CWH43: variants seen among roughly 807,000 people sequenced by gnomAD.
CWH43 encodes the protein PGAP2-interacting protein.
In CWH43, 91 loss-of-function variants were observed where a neutral mutation model predicts 85.7. That is an observed-to-expected ratio of 1.06 (90% CI 0.90 to 1.26). The LOEUF (loss-of-function observed/expected upper bound fraction) is 1.26, where lower values mean the gene tolerates loss of function less well. CWH43 is among the 50% of genes most tolerant of loss of function. The pLI is 0.00. For synonymous variants in CWH43, 323 were observed against 293.6 expected, an observed-to-expected ratio of 1.10 and a Z score of -1.02; for missense variants, 869 against 839.2, an observed-to-expected ratio of 1.04 and a Z score of -0.44.
intron 2 of CWH43, 29 bp downstream of exon 2, chr4:48,988,697 G>T: frequency 2.1e-6 from 3 of 1,430,792 alleles, no homozygotes; most frequent in East Asian, 2.4e-5. Context: ...TCTTTAAGTT[G>T]TTTTTTTTAA....
chr4:49,033,512 T>C (rs964661386), intron 12 of CWH43, among the ~76,000 whole-genome samples: 5 of 152,056 alleles, frequency 3.3e-5, no homozygotes, highest in African/African-American at 7.2e-5. Flanking sequence ...CCAAGGAGAA[T>C]AGAAAAGAAG....
In CWH43 at chr4:48,988,500, C is replaced by A; in HGVS notation, c.67C>A (p.His23Asn). ...LLGCVSWSLY[H>N]DLGPMIYYFP... Reference sequence around the variant, plus strand: ...AGGATGTGTTTCTTGGTCTCTCTACCATGACCTGGGACCGATGATCTATTA... The same window carrying A: ...AGGATGTGTTTCTTGGTCTCTCTACAATGACCTGGGACCGATGATCTATTA... Residue 23 changes from histidine (H) to asparagine (N), a missense_variant, in exon 2 of 16, where the codon CAT becomes AAT. Physicochemically the swap from His to Asn is moderately conservative, Grantham distance 68. Coordinates refer to ENST00000226432, the MANE Select transcript of CWH43 (RefSeq NM_025087.3). 2 of 1,595,926 alleles carry A rather than the reference C, an allele frequency of 1.3e-6. No homozygotes were observed. Among genetic ancestry groups the A allele is most frequent in the Non-Finnish European group, 1.7e-6 (2 of 1,174,218 alleles).
chr4:48,986,445 A>C lies in CWH43; in HGVS notation c.16A>C (p.Arg6=). The change falls in exon 1 of 16, where the codon AGA becomes CGA. Residue 6 remains arginine, a synonymous_variant. Transcript: ENST00000226432. MPSLW[R]EILLESLLGC... is the part of the protein sequence containing the mutation. ...CGCCGCGGCGATGCCCTCGCTGTGG[A>C]GAGAAATCCTCTTGGAGTCGCTGCT... 6.5e-7 allele frequency: 1 copy of C among 1,550,082 alleles called. No individual in the cohort carries two copies. The highest frequency in any genetic ancestry group is 8.7e-7 in the Non-Finnish European group (1 of 1,143,992).
At chr4:49,021,002 AGTTGTCT>A (rs1783736164) in intron 9 of CWH43, among the ~76,000 whole-genome samples, 2 of 151,762 alleles carry the variant, frequency 1.3e-5, no homozygotes, top group South Asian at 2.1e-4. Context: ...CTACTTTGTG[AGTTGTCT>A]GTTTAGTCTG....
At chr4:49,035,704 TTATACA>T (rs1434345244) in intron 12 of CWH43, among the ~76,000 whole-genome samples, 1 of 152,206 alleles carries the variant, frequency 6.6e-6, no homozygotes, top group African/African-American at 2.4e-5. Context: ...ACCTCTTTCC[TTATACA>T]TATACTTTTT....
intron 8 of CWH43, among the ~76,000 whole-genome samples, chr4:49,007,871 T>C (rs1783215473): frequency 1.3e-5 from 2 of 152,316 alleles, no homozygotes; most frequent in South Asian, 4.1e-4. Flanking sequence ...CAGTCTATCA[T>C]TGATGGACAT....
chr4:49,039,320 T>TATATATATATATACTG (rs1553916930), intron 13 of CWH43, among the ~76,000 whole-genome samples: 388 of 30,234 alleles, frequency 0.013, 106 homozygotes, highest in Middle Eastern at 0.042. Flanking sequence ...TATATATATA[T>TATATATATATATACTG]ATATATATAT....
chr4:49,038,007 A>G (rs1466063893), intron 12 of CWH43, 29 bp from the exon 13 acceptor site: 1 of 1,581,464 alleles, frequency 6.3e-7, no homozygotes, highest in East Asian at 2.2e-5. Context: ...TACAAATACA[A>G]TAAAGGGTCA....
chr4:49,031,747 C>T (rs1020805362), intron 11 of CWH43, among the ~76,000 whole-genome samples: 1 of 152,102 alleles, frequency 6.6e-6, no homozygotes, highest in Non-Finnish European at 1.5e-5. Flanking sequence ...AGAGGACAAA[C>T]TCAGGAACTA....
At chr4:49,061,321 C>T (rs1785150519) in intron 15 of CWH43, among the ~76,000 whole-genome samples, 1 of 152,154 alleles carries the variant, frequency 6.6e-6, no homozygotes, top group Non-Finnish European at 1.5e-5. Context: ...GAAGTGGCCT[C>T]TTATGTGCAA....
At chr4:49,057,962 T>C (rs1246822104) in intron 15 of CWH43, among the ~76,000 whole-genome samples, 1 of 152,184 alleles carries the variant, frequency 6.6e-6, no homozygotes, top group Non-Finnish European at 1.5e-5. Context: ...TGGAATATCT[T>C]TCCAAACCTT....
chr4:49,040,253 A>T (rs1784414807), intron 13 of CWH43, among the ~76,000 whole-genome samples: 1 of 152,232 alleles, frequency 6.6e-6, no homozygotes, highest in Non-Finnish European at 1.5e-5. Context: ...TCCTTTGGGT[A>T]TATACCCAGT....
intron 14 of CWH43, among the ~76,000 whole-genome samples, chr4:49,048,294 A>G (rs1784691328): frequency 6.7e-6 from 1 of 150,022 alleles, no homozygotes; most frequent in South Asian, 2.1e-4. Context: ...ATATATACAC[A>G]CTCTGTGTGT....
intron 8 of CWH43, among the ~76,000 whole-genome samples, chr4:49,014,730 G>C (rs1373904920): frequency 1.3e-5 from 2 of 151,922 alleles, no homozygotes; most frequent in South Asian, 4.1e-4. Context: ...GTTTCTTAGA[G>C]CAATTTTAGG....
At chr4:49,051,867 G>T (rs1449009617) in intron 15 of CWH43, among the ~76,000 whole-genome samples, 3 of 152,182 alleles carry the variant, frequency 2.0e-5, no homozygotes, top group Admixed American at 2.0e-4. Flanking sequence ...GTGAGCCACC[G>T]TGCCCGGCCT....
chr4:49,045,491 C>T (rs1784595466), intron 14 of CWH43, among the ~76,000 whole-genome samples: 1 of 152,108 alleles, frequency 6.6e-6, no homozygotes, highest in Non-Finnish European at 1.5e-5. Context: ...TAATATCATA[C>T]TTTTATTGTA....
intron 6 of CWH43, among the ~76,000 whole-genome samples, chr4:49,002,840 G>T (rs557900138): frequency 1.2e-4 from 18 of 152,302 alleles, no homozygotes; most frequent in Non-Finnish European, 2.5e-4. Context: ...GGGGCATTAA[G>T]ATGCTGACTG....
In CWH43 at chr4:49,061,043, G is replaced by A. The variant is rs527434202; in HGVS notation, c.2022-769G>A. On this transcript the variant is annotated intron_variant, in intron 15 of 15. Coordinates refer to ENST00000226432, the MANE Select transcript of CWH43 (RefSeq NM_025087.3). The stretch of plus-strand genomic sequence containing the variant: ...TTGCATAATATTTCATTGTATGGAT[G>A]CACCAACATTTAGCTAATCGATTTT... Among the ~76,000 whole-genome samples the A allele has an allele frequency of 2.0e-5, 3 of 152,168 alleles. No individual in the cohort carries two copies. In the East Asian group the frequency reaches 5.8e-4, roughly 29 times the overall value.
chr4:48,998,203 T>C (rs557980723), intron 5 of CWH43, among the ~76,000 whole-genome samples: 5 of 152,350 alleles, frequency 3.3e-5, no homozygotes, highest in Non-Finnish European at 5.9e-5. Context: ...TGTACTTTAA[T>C]AGTCTGAGAA....
Sources: gnomAD v4.1 joint callset for allele counts (sites outside exome capture counted in the v4.1 genomes callset) on GRCh38, gnomAD v4.1.1 for gene constraint, MANE v1.5 for transcripts, NCBI Gene and HGNC (gene_info 2026-07-23, HGNC 2026-07-21) for gene names.